The following TUBGCP5 variants were observed in gnomAD, a reference collection of about 807,000 sequenced individuals.
TUBGCP5 encodes gamma-tubulin complex component 5.
TUBGCP5 carries 98 observed loss-of-function variants against 134.7 expected under a neutral mutation model. The observed-to-expected ratio is 0.73, with a 90% CI of 0.62 to 0.86. The LOEUF (loss-of-function observed/expected upper bound fraction) is 0.86. Among genes scored for constraint, TUBGCP5 ranks in the 40% least tolerant of loss-of-function variants. The pLI is 0.00. For missense variants in TUBGCP5, 1,150 were observed against 1,244.8 expected, an observed-to-expected ratio of 0.92 and a Z score of 1.15; for synonymous variants, 456 against 431.4, an observed-to-expected ratio of 1.06 and a Z score of -0.71.
At chr15:23,035,341 A>G (rs2066525067) in intron 3 of TUBGCP5, among the ~76,000 whole-genome samples, 1 of 150,144 alleles carries the variant, frequency 6.7e-6, no homozygotes, top group Non-Finnish European at 1.5e-5. Context: ...AAAAAAAAAA[A>G]GAAAAAAAGT....
intron 1 of TUBGCP5, among the ~76,000 whole-genome samples, chr15:23,038,964 C>T (rs2066753721): frequency 6.6e-6 from 1 of 151,820 alleles, no homozygotes; most frequent in Admixed American, 6.6e-5. Context: ...AAAAGGAGAG[C>T]AGGGTGAGAG....
Position 23,039,032 on chromosome 15 carries a change from T to A in TUBGCP5, c.146+366A>T, listed in dbSNP as rs533912736. Reference sequence around the variant, plus strand: ...CAGTGAGAATACAATCTCTTTAATTTAAAAAAAAAAAAAATTATAAACATG... The same window carrying A: ...CAGTGAGAATACAATCTCTTTAATTAAAAAAAAAAAAAAATTATAAACATG... On this transcript the variant is annotated intron_variant, in intron 1 of 22. Transcript: ENST00000615383. 5.3e-3 allele frequency among the ~76,000 whole-genome samples: 787 copies of A among 147,550 alleles called. 2 individuals carry two copies. The highest frequency in any genetic ancestry group is 7.0e-3 in the Middle Eastern group (2 of 286).
intron 23 of TUBGCP5, among the ~76,000 whole-genome samples, chr15:22,986,982 T>A (rs1051030883): frequency 6.6e-6 from 1 of 152,128 alleles, no homozygotes; most frequent in African/African-American, 2.4e-5. Flanking sequence ...AATTGGCTTA[T>A]GCACTATGGG....
chr15:22,994,757 T>C (rs887939500), downstream of TUBGCP5, among the ~76,000 whole-genome samples: 2 of 152,196 alleles, frequency 1.3e-5, no homozygotes, highest in Admixed American at 6.5e-5. Flanking sequence ...TTGTTTAACA[T>C]TGTAAAAATA....
rs1402302819 is a variant in TUBGCP5, at chr15:23,000,608, T to C, written c.2989A>G (p.Ile997Val). The C allele has an allele frequency of 1.9e-6, 3 of 1,611,430 alleles. No homozygotes were observed. The highest frequency in any genetic ancestry group is 1.7e-6 in the Non-Finnish European group (2 of 1,178,052). The change falls in exon 22 of 23, where the codon ATT becomes GTT. Residue 997 changes from isoleucine (I) to valine (V), a missense_variant. Transcript: ENST00000615383. ...FKNCHMFLVTILNKAVCRGSF... is the reference protein window; with the variant it reads ...FKNCHMFLVTVLNKAVCRGSF... Reference sequence around the variant, plus strand: ...CCTCTACAGACGGCTTTGTTTAAAATGGTTACAAGAAACATATGGCAGTTT... The same window carrying C: ...CCTCTACAGACGGCTTTGTTTAAAACGGTTACAAGAAACATATGGCAGTTT...
At position 23,010,017 on chromosome 15, in the gene TUBGCP5, A is replaced by G. The variant is rs1458475234; in HGVS notation, c.2072T>C (p.Leu691Pro). The G allele has an allele frequency of 6.2e-7, 1 of 1,614,050 alleles. No individual in the cohort carries two copies. Among genetic ancestry groups the G allele is most frequent in the African/African-American group, 1.3e-5 (1 of 74,920 alleles). ...ATACTGCTTGTCAATATGAGGATAG[A>G]GGCAGGATCTCAGCGTTAATTCAAA... ...QTFELTLRSCLYPHIDKQYLD... is the reference protein window; with the variant it reads ...QTFELTLRSCPYPHIDKQYLD... Residue 691 changes from leucine to proline, a missense_variant, in exon 15 of 23, where the codon CTC (leucine) becomes CCC (proline). Physicochemically the swap from Leu to Pro is moderately conservative, Grantham distance 98 (BLOSUM62 -3). Around this residue, in one of 2 missense-constraint regions of TUBGCP5, gnomAD observed 697 missense variants for 850.1 expected, o/e 0.82. Coordinates refer to ENST00000615383, the MANE Select transcript of TUBGCP5 (RefSeq NM_052903.6).
chr15:22,984,435 C>T (rs996719676), intron 23 of TUBGCP5, among the ~76,000 whole-genome samples: 5 of 152,074 alleles, frequency 3.3e-5, no homozygotes, highest in African/African-American at 4.8e-5. Flanking sequence ...GCCTGGCCAA[C>T]GTGGCGAAAC....
intron 1 of TUBGCP5, among the ~76,000 whole-genome samples, chr15:23,037,547 G>A (rs1037903041): frequency 3.3e-5 from 5 of 152,000 alleles, no homozygotes; most frequent in African/African-American, 1.2e-4. Context: ...TAAATACAAA[G>A]GAATCCCATT....
intron 11 of TUBGCP5, among the ~76,000 whole-genome samples, chr15:23,021,525 TTG>T (rs1163896867): frequency 6.6e-6 from 1 of 152,098 alleles, no homozygotes; most frequent in East Asian, 1.9e-4. Context: ...ATTCATATCG[TTG>T]TGACAAATCT....
intron 5 of TUBGCP5, among the ~76,000 whole-genome samples, chr15:23,031,492 A>G (rs1243323841): frequency 1.3e-5 from 2 of 151,864 alleles, no homozygotes; most frequent in Non-Finnish European, 2.9e-5. Flanking sequence ...AATTTTTTGT[A>G]TTCTTAGTTG....
At chr15:22,983,870 C>G (rs2063603709) in intron 23 of TUBGCP5, among the ~76,000 whole-genome samples, 1 of 152,116 alleles carries the variant, frequency 6.6e-6, no homozygotes, top group African/African-American at 2.4e-5. Context: ...TGCCTGTAAT[C>G]CCAGCACTTT....
At chr15:23,015,592 A>G (rs962490717) in intron 13 of TUBGCP5, among the ~76,000 whole-genome samples, 1 of 152,090 alleles carries the variant, frequency 6.6e-6, no homozygotes, top group African/African-American at 2.4e-5. Context: ...CAGTGAGCCG[A>G]GATCATGCCA....
chr15:23,008,335 T>A, intron 16 of TUBGCP5: 1 of 297,156 alleles, frequency 3.4e-6, no homozygotes, highest in Non-Finnish European at 6.4e-6. Context: ...GGCATGATCT[T>A]GGCTCACTGC....
intron 23 of TUBGCP5, among the ~76,000 whole-genome samples, chr15:22,990,296 T>C (rs1051950779): frequency 2.0e-4 from 30 of 150,714 alleles, no homozygotes; most frequent in African/African-American, 7.3e-4. Context: ...GCTAGGGCAC[T>C]CTCTGACTCC....
intron 19 of TUBGCP5, 91 bp from the exon 20 acceptor site, chr15:23,004,318 CCT>C: frequency 6.9e-7 from 1 of 1,456,698 alleles, no homozygotes. Context: ...CTCTTCTACT[CCT>C]CTCAAATTCT....
At position 23,010,133 on chromosome 15, in the gene TUBGCP5, C is replaced by T; in HGVS notation, c.1956G>A (p.Arg652=). Residue 652 remains arginine (R), a splice_region_variant and synonymous_variant, in exon 15 of 23, where the codon AGG becomes AGA. Transcript: ENST00000615383. ...GAAAGTCACTCTGCTCCAAATACAT[C>T]CTTCAAGATAAAAATGTGAGTCTTC... ...HDPLLAINFA[R]MYLEQSDFHE... is the part of the protein sequence containing the mutation. 1 of 1,609,206 alleles carries T rather than the reference C, an allele frequency of 6.2e-7. No individual in the cohort carries two copies. Among genetic ancestry groups the T allele is most frequent in the African/African-American group, 1.3e-5 (1 of 74,976 alleles).
chr15:23,012,389 C>G (rs2065087275), intron 13 of TUBGCP5, among the ~76,000 whole-genome samples: 1 of 152,024 alleles, frequency 6.6e-6, no homozygotes, highest in African/African-American at 2.4e-5. Context: ...CTTTATCTTC[C>G]AAGCCTTTTT....
intron 20 of TUBGCP5, among the ~76,000 whole-genome samples, chr15:23,003,711 T>C (rs1176301822): frequency 6.8e-6 from 1 of 147,134 alleles, no homozygotes; most frequent in African/African-American, 2.5e-5. Flanking sequence ...AGTGCAGTGG[T>C]GTCAGATCAT....
rs754005342 is a variant in TUBGCP5 at position 23,032,043 on chromosome 15, G to T, written c.407-14C>A. 1 of 1,596,216 alleles carries T rather than the reference G, an allele frequency of 6.3e-7. No homozygotes were observed. The highest frequency in any genetic ancestry group is 1.1e-5 in the South Asian group (1 of 89,544). Reference sequence around the variant, plus strand: ...CATCTTTCTTTTCTAAAATGTAACAGAAGAACTTCATTGGCTTTATTATAT... The same window carrying T: ...CATCTTTCTTTTCTAAAATGTAACATAAGAACTTCATTGGCTTTATTATAT... On this transcript the variant is annotated splice_polypyrimidine_tract_variant and intron_variant, in intron 4 of 22. Coordinates refer to ENST00000615383, the MANE Select transcript of TUBGCP5 (RefSeq NM_052903.6).
Sources: allele counts gnomAD v4.1 joint callset (sites outside exome capture counted in the v4.1 genomes callset), GRCh38; gene constraint gnomAD v4.1.1; regional missense constraint gnomAD v4.1.1; transcripts MANE v1.5; gene names NCBI Gene and HGNC (gene_info 2026-07-23, HGNC 2026-07-21).